PCNX1: variants seen among roughly 807,000 people sequenced by gnomAD.
The protein encoded by PCNX1 is pecanex-like protein 1.
Under a neutral mutation model 242.2 loss-of-function variants are expected in PCNX1, and 78 were observed. The ratio of observed to expected loss-of-function variants is 0.32; its 90% confidence interval spans 0.27 to 0.39. The LOEUF (loss-of-function observed/expected upper bound fraction) is 0.39. PCNX1 is among the 10% of genes least tolerant of loss of function. The pLI, the probability that PCNX1 is intolerant of heterozygous loss-of-function variation, is 1.00. For synonymous variants in PCNX1, 1,024 were observed against 1,032.9 expected, an observed-to-expected ratio of 0.99 and a Z score of 0.17; for missense variants, 2,581 against 2,856.5, an observed-to-expected ratio of 0.90 and a Z score of 2.20.
At chr14:70,964,311 C>T (rs558026648) in intron 3 of PCNX1, among the ~76,000 whole-genome samples, 12 of 152,240 alleles carry the variant, frequency 7.9e-5, no homozygotes, top group African/African-American at 2.6e-4. Flanking sequence ...AGGTGGTCTG[C>T]CCACCTCAGC....
At chr14:71,003,708 T>A (rs918832602) in intron 8 of PCNX1, among the ~76,000 whole-genome samples, 1 of 152,198 alleles carries the variant, frequency 6.6e-6, no homozygotes, top group African/African-American at 2.4e-5. Context: ...AATTAAGGCA[T>A]GTTTTATTAA....
At chr14:71,058,241 C>A (rs2061235134) in intron 26 of PCNX1, among the ~76,000 whole-genome samples, 1 of 152,120 alleles carries the variant, frequency 6.6e-6, no homozygotes, top group Non-Finnish European at 1.5e-5. Flanking sequence ...GGGCAGCCAC[C>A]ACCTCTGTCT....
intron 6 of PCNX1, among the ~76,000 whole-genome samples, chr14:70,980,709 A>C (rs546621888): frequency 3.5e-4 from 54 of 152,260 alleles, no homozygotes; most frequent in African/African-American, 1.2e-3. Context: ...GAGACTCTCA[A>C]ATACTGTTTA....
chr14:71,110,097 C>T lies in PCNX1; in HGVS notation c.*162C>T, dbSNP rs1348715401. 2.8e-6 allele frequency: 2 copies of T among 712,308 alleles called. No individual in the cohort carries two copies. Among genetic ancestry groups the T allele is most frequent in the Non-Finnish European group, 5.1e-6 (2 of 394,490 alleles). The allele number at this position is 712,308 out of a possible 1,614,324, so 44.1% of individuals were successfully genotyped here. A position where few individuals can be genotyped will look rare whatever the true frequency, so the allele number is the denominator to read the frequency against. ...TTAAGCACCTCTCCTTTGCCCTTCA[C>T]CCTGACTCCTGTCACTGTCTCCATC... On this transcript the variant is annotated 3_prime_UTR_variant, in exon 36 of 36. Coordinates refer to ENST00000304743, the MANE Select transcript of PCNX1 (RefSeq NM_014982.3).
chr14:70,946,353 A>C (rs2057456712), intron 1 of PCNX1, among the ~76,000 whole-genome samples: 1 of 152,194 alleles, frequency 6.6e-6, no homozygotes, highest in African/African-American at 2.4e-5. Context: ...AAACGGTTGC[A>C]CAGAGCCCAT....
rs869087088 is a variant in PCNX1, at chr14:70,976,372, CT to C, written c.605-552del. Reference sequence around the variant, plus strand: ...TTTGTTGCTCTTTCTTTCTTTCTTTCTTTTTTTTTTTTTTTTTTGAGACAGA... The same window carrying C: ...TTTGTTGCTCTTTCTTTCTTTCTTTCTTTTTTTTTTTTTTTTTGAGACAGA... On this transcript the variant is annotated intron_variant, in intron 5 of 35. Coordinates refer to ENST00000304743, the MANE Select transcript of PCNX1 (RefSeq NM_014982.3). 3.2e-3 allele frequency among the ~76,000 whole-genome samples: 267 copies of C among 82,662 alleles called. 2 individuals are homozygous for C. The highest frequency in any genetic ancestry group is 8.5e-3 in the African/African-American group (186 of 21,980). 54.2% of individuals were successfully genotyped at this position (82,662 alleles called of 152,430 possible). A position where few individuals can be genotyped will look rare whatever the true frequency, so the allele number is the denominator to read the frequency against.
intron 9 of PCNX1, among the ~76,000 whole-genome samples, chr14:71,010,641 T>G (rs1432088275): frequency 1.3e-5 from 2 of 152,108 alleles, no homozygotes; most frequent in Non-Finnish European, 2.9e-5. Flanking sequence ...AATTTTGATC[T>G]TATTGCTTAT....
intron 1 of PCNX1, among the ~76,000 whole-genome samples, chr14:70,932,916 A>C (rs1260771298): frequency 6.6e-6 from 1 of 152,106 alleles, no homozygotes; most frequent in South Asian, 2.1e-4. Flanking sequence ...CCGGCCAAGA[A>C]GTTTTTATTA....
chr14:71,094,460 G>T (rs2062218775), intron 30 of PCNX1, among the ~76,000 whole-genome samples: 1 of 152,224 alleles, frequency 6.6e-6, no homozygotes, highest in African/African-American at 2.4e-5. Flanking sequence ...CTTTTAAGAA[G>T]ATTCTGTTTC....
intron 20 of PCNX1, among the ~76,000 whole-genome samples, chr14:71,045,575 C>T (rs949212016): frequency 6.6e-6 from 1 of 152,176 alleles, no homozygotes; most frequent in Admixed American, 6.5e-5. Flanking sequence ...GTGTCCATTA[C>T]TTCTCTTTCC....
intron 16 of PCNX1, among the ~76,000 whole-genome samples, chr14:71,029,238 A>C (rs1419931474): frequency 6.6e-6 from 1 of 152,180 alleles, no homozygotes; most frequent in Non-Finnish European, 1.5e-5. Flanking sequence ...TTGGGTTAGA[A>C]GATCTGGATG....
chr14:70,972,062 C>T (rs1351590775), intron 5 of PCNX1, among the ~76,000 whole-genome samples: 1 of 152,096 alleles, frequency 6.6e-6, no homozygotes, highest in Non-Finnish European at 1.5e-5. Context: ...TGCAGCAATC[C>T]AGAACACAGA....
At chr14:70,911,651 TTG>T (rs1330639919) in intron 1 of PCNX1, among the ~76,000 whole-genome samples, 1 of 152,194 alleles carries the variant, frequency 6.6e-6, no homozygotes, top group African/African-American at 2.4e-5. Context: ...TTGTTATTGA[TTG>T]TGTGTCCTGT....
At chr14:70,983,713 C>T (rs2058914456) in intron 6 of PCNX1, among the ~76,000 whole-genome samples, 2 of 151,472 alleles carry the variant, frequency 1.3e-5, no homozygotes, top group Non-Finnish European at 3.0e-5. Flanking sequence ...AGAATTGATG[C>T]TTAGAAATTG....
intron 28 of PCNX1, chr14:71,085,493 A>G (rs1480831931): frequency 6.6e-6 from 1 of 152,488 alleles, no homozygotes; most frequent in Non-Finnish European, 1.5e-5. Context: ...GATCGACAGA[A>G]TGATCAAAGG....
chr14:70,985,263 G>T (rs923634790), intron 6 of PCNX1, among the ~76,000 whole-genome samples: 1 of 152,094 alleles, frequency 6.6e-6, no homozygotes, highest in African/African-American at 2.4e-5. Context: ...TGCCTAGGCT[G>T]GAGTGCAGTG....
chr14:71,100,330 G>T (rs1193253632), intron 30 of PCNX1, among the ~76,000 whole-genome samples: 6 of 152,258 alleles, frequency 3.9e-5, no homozygotes, highest in Middle Eastern at 3.4e-3. Context: ...GTCTGGAAAA[G>T]ATTTTATTTC....
intron 28 of PCNX1, among the ~76,000 whole-genome samples, chr14:71,078,338 A>G (rs1307300667): frequency 6.6e-6 from 1 of 152,132 alleles, no homozygotes; most frequent in East Asian, 1.9e-4. Flanking sequence ...GCTGACTCCA[A>G]ACTGTAGTGC....
In PCNX1 at chr14:71,111,775, AT is replaced by A. The variant is rs2062757668; in HGVS notation, c.*1843del. On this transcript the variant is annotated 3_prime_UTR_variant, in exon 36 of 36. Coordinates refer to ENST00000304743, the MANE Select transcript of PCNX1 (RefSeq NM_014982.3). ...AGAACCTAATGTGCCTTGTGTTGAC[AT>A]TTCCATAGACTTCACACTTTACAAA... 1 of 152,152 alleles carries A rather than the reference AT, an allele frequency of 6.6e-6. No homozygotes were observed. Among genetic ancestry groups the A allele is most frequent in the Admixed American group, 6.5e-5 (1 of 15,278 alleles). The allele number at this position is 152,152 out of a possible 1,614,324, so 9.4% of individuals were successfully genotyped here. A position where few individuals can be genotyped will look rare whatever the true frequency, so the allele number is the denominator to read the frequency against.
Sources: gnomAD v4.1 joint callset for allele counts (sites outside exome capture counted in the v4.1 genomes callset) on GRCh38, gnomAD v4.1.1 for gene constraint, MANE v1.5 for transcripts, NCBI Gene and HGNC (gene_info 2026-07-23, HGNC 2026-07-21) for gene names.